Variants in TNR observed in about 807,000 individuals in gnomAD.
TNR encodes tenascin-R.
A neutral mutation model predicts 150.4 loss-of-function variants in TNR; 45 were observed. The ratio of observed to expected loss-of-function variants is 0.30; its 90% CI spans 0.24 to 0.38. The LOEUF is 0.38. TNR is among the 10% of genes least tolerant of loss of function. The pLI is 1.00. For missense variants in TNR, 1,544 were observed against 1,759.1 expected, an observed-to-expected ratio of 0.88 and a Z score of 2.19; for synonymous variants, 687 against 678.4, an observed-to-expected ratio of 1.01 and a Z score of -0.20.
chr1:175,581,546 C>T lies in TNR; in HGVS notation c.-164-53177G>A, dbSNP rs547321877. 2.0e-5 allele frequency among the ~76,000 whole-genome samples: 3 copies of T among 152,216 alleles called. No homozygotes were observed. The South Asian group carries it at 6.2e-4, about 32-fold the overall frequency. On this transcript the variant is annotated intron_variant, in intron 1 of 22. Transcript: ENST00000367674. ...CTGTTGGTTGGGAAGAGCAAGGAACCCTCATGGCAGCATGGGGTGGTGCAG... is the reference window on the plus strand; with the variant it reads ...CTGTTGGTTGGGAAGAGCAAGGAACTCTCATGGCAGCATGGGGTGGTGCAG...
At chr1:175,726,357 C>T (rs1459243993) in intron 1 of TNR, among the ~76,000 whole-genome samples, 1 of 152,162 alleles carries the variant, frequency 6.6e-6, no homozygotes, top group African/African-American at 2.4e-5. Context: ...AGGAGGAAGT[C>T]CAGGTTGCTG....
chr1:175,476,997 C>T (rs1248513430), intron 2 of TNR, among the ~76,000 whole-genome samples: 1 of 152,088 alleles, frequency 6.6e-6, no homozygotes, highest in South Asian at 2.1e-4. Context: ...AATGGAGAGA[C>T]AGGACTTCAT....
chr1:175,677,778 TG>T (rs1475240505), intron 1 of TNR, among the ~76,000 whole-genome samples: 1 of 151,996 alleles, frequency 6.6e-6, no homozygotes, highest in African/African-American at 2.4e-5. Context: ...ATCTATTAAC[TG>T]GGAATTAAAA....
intron 1 of TNR, among the ~76,000 whole-genome samples, chr1:175,706,361 C>G (rs1277510053): frequency 6.6e-6 from 1 of 152,162 alleles, no homozygotes; most frequent in Non-Finnish European, 1.5e-5. Context: ...TACCCCCACT[C>G]CATATTCTAC....
At chr1:175,655,204 T>C (rs540867559) in intron 1 of TNR, among the ~76,000 whole-genome samples, 1 of 152,162 alleles carries the variant, frequency 6.6e-6, no homozygotes, top group Non-Finnish European at 1.5e-5. Context: ...AAGGGCAACA[T>C]GTACCCACAA....
chr1:175,693,895 T>C (rs10753109), intron 1 of TNR, among the ~76,000 whole-genome samples: 99,762 of 152,148 alleles, frequency 0.66, 33,548 homozygotes, highest in East Asian at 0.96. Flanking sequence ...TCTCTTGTCC[T>C]TAACTTATTC....
intron 14 of TNR, among the ~76,000 whole-genome samples, chr1:175,360,493 T>C (rs1302780413): frequency 6.6e-6 from 1 of 152,216 alleles, no homozygotes; most frequent in Non-Finnish European, 1.5e-5. Context: ...TTGCCCATGC[T>C]CTAAGTCTTT....
chr1:175,362,471 ACT>A (rs1260007945), intron 14 of TNR, among the ~76,000 whole-genome samples, 190 bp downstream of exon 14: 14 of 152,110 alleles, frequency 9.2e-5, no homozygotes, highest in African/African-American at 2.2e-4. Context: ...CTAGAGGGTG[ACT>A]CTCTAAACGT....
intron 1 of TNR, among the ~76,000 whole-genome samples, chr1:175,675,601 GAGTA>G (rs1289409182): frequency 6.6e-6 from 1 of 152,232 alleles, no homozygotes; most frequent in Non-Finnish European, 1.5e-5. Context: ...GTTACCAGCA[GAGTA>G]ATGCACATGG....
At chr1:175,454,717 C>T (rs538453885) in intron 2 of TNR, among the ~76,000 whole-genome samples, 95 of 151,940 alleles carry the variant, frequency 6.3e-4, no homozygotes, top group African/African-American at 2.2e-3. Context: ...GGTGATCCAC[C>T]CGCCTCGGCC....
rs371591261 is a variant in TNR at position 175,709,308 on chromosome 1, T to TACACAC, written c.-165+33912_-165+33917dup. ...TCCCTTGCTTTCACACACACACACATACACACACACACACACACACACACA... is the reference window on the plus strand; with the variant it reads ...TCCCTTGCTTTCACACACACACACATACACACACACACACACACACACACACACACA... On this transcript the variant is annotated intron_variant, in intron 1 of 22. Coordinates refer to ENST00000367674, the MANE Select transcript of TNR (RefSeq NM_003285.3). Among the ~76,000 whole-genome samples the TACACAC allele has an allele frequency of 5.3e-3, 681 of 127,810 alleles. 4 individuals carry two copies. The highest frequency in any genetic ancestry group is 0.011 in the African/African-American group (353 of 32,664). The allele number at this position is 127,810 out of a possible 152,430, so 83.8% of individuals were successfully genotyped here. A position where few individuals can be genotyped will look rare whatever the true frequency, so the allele number is the denominator to read the frequency against.
chr1:175,711,377 T>C (rs1667009653), intron 1 of TNR, among the ~76,000 whole-genome samples: 1 of 152,136 alleles, frequency 6.6e-6, no homozygotes, highest in Non-Finnish European at 1.5e-5. Context: ...GGAGCATGCC[T>C]GCCACATTCA....
At chr1:175,567,767 C>T (rs564699588) in intron 1 of TNR, among the ~76,000 whole-genome samples, 1 of 152,146 alleles carries the variant, frequency 6.6e-6, no homozygotes, top group Non-Finnish European at 1.5e-5. Flanking sequence ...GCTTTCTAAG[C>T]ATGGCCCTCC....
intron 1 of TNR, among the ~76,000 whole-genome samples, chr1:175,613,749 G>A (rs1663675173): frequency 6.6e-6 from 1 of 152,136 alleles, no homozygotes; most frequent in Admixed American, 6.5e-5. Context: ...GGAAAACACT[G>A]TCAGCAAAGC....
chr1:175,647,851 G>C (rs1419222091), intron 1 of TNR, among the ~76,000 whole-genome samples: 1 of 152,108 alleles, frequency 6.6e-6, no homozygotes, highest in Non-Finnish European at 1.5e-5. Context: ...AATTGGCATG[G>C]TTTCTTCTCC....
intron 1 of TNR, among the ~76,000 whole-genome samples, chr1:175,696,225 T>TGTTG (rs751722733): frequency 7.6e-6 from 1 of 131,224 alleles, no homozygotes; most frequent in African/African-American, 3.0e-5. Flanking sequence ...TAGTTTTTTT[T>TGTTG]TTTTTTTTTT....
chr1:175,545,828 C>T (rs965386893), intron 1 of TNR, among the ~76,000 whole-genome samples: 23 of 152,198 alleles, frequency 1.5e-4, no homozygotes, highest in African/African-American at 4.8e-4. Flanking sequence ...CACTACCATG[C>T]CAGGTTGCCT....
At chr1:175,522,056 A>T (rs1175826699) in intron 2 of TNR, among the ~76,000 whole-genome samples, 2 of 151,774 alleles carry the variant, frequency 1.3e-5, no homozygotes, top group East Asian at 3.9e-4. Flanking sequence ...TATGCCTTCT[A>T]CTCCTTTCTC....
In TNR at chr1:175,316,284, A is replaced by G. The variant is rs1648840738; in HGVS notation, c.*7073T>C. 1 of 152,194 alleles carries G rather than the reference A, an allele frequency of 6.6e-6. No homozygotes were observed. The allele number at this position is 152,194 out of a possible 1,614,324, so 9.4% of individuals were successfully genotyped here. A position where few individuals can be genotyped will look rare whatever the true frequency, so the allele number is the denominator to read the frequency against. Reference sequence around the variant, plus strand: ...CACTAGGGATGTGGGGCAGGTAAGGAGTGGGGAAAAGAAACCAGGGGGATA... The same window carrying G: ...CACTAGGGATGTGGGGCAGGTAAGGGGTGGGGAAAAGAAACCAGGGGGATA... On this transcript the variant is annotated 3_prime_UTR_variant, in exon 23 of 23. Coordinates refer to ENST00000367674, the MANE Select transcript of TNR (RefSeq NM_003285.3).
Sources: allele counts gnomAD v4.1 joint callset (sites outside exome capture counted in the v4.1 genomes callset), GRCh38; gene constraint gnomAD v4.1.1; transcripts MANE v1.5; gene names NCBI Gene and HGNC (gene_info 2026-07-23, HGNC 2026-07-21).